The following AMBRA1 variants were observed in gnomAD, a reference collection of about 807,000 sequenced individuals.
AMBRA1 encodes activating molecule in BECN1-regulated autophagy protein 1.
A neutral mutation model predicts 125.4 loss-of-function variants in AMBRA1; 47 were observed. The ratio of observed to expected loss-of-function variants is 0.37; its 90% CI spans 0.30 to 0.48. AMBRA1 has a LOEUF of 0.48. Ranked by LOEUF, AMBRA1 falls within the 20% of genes least tolerant of loss-of-function variation. AMBRA1 has a pLI of 0.99. For missense variants in AMBRA1, 1,331 were observed against 1,693.4 expected (o/e 0.79, Z 3.76); for synonymous variants, 626 against 655.5 (o/e 0.95, Z 0.69).
intron 1 of AMBRA1, among the ~76,000 whole-genome samples, chr11:46,570,797 GTCA>G (rs1215807083): frequency 6.6e-6 from 1 of 151,982 alleles, no homozygotes; most frequent in Non-Finnish European, 1.5e-5. Flanking sequence ...GTAGGCACAA[GTCA>G]TTTTCTAAAT....
intron 15 of AMBRA1, among the ~76,000 whole-genome samples, chr11:46,410,879 G>C (rs903096551): frequency 6.6e-6 from 1 of 152,164 alleles, no homozygotes; most frequent in Admixed American, 6.5e-5. Flanking sequence ...GAGGCGGGCA[G>C]ATCACAAGGT....
In AMBRA1 at chr11:46,543,217, G is replaced by T; in HGVS notation, c.800C>A (p.Thr267Asn). ...GEQSTVQDSATPSPPPPPPQP... is the reference protein window; with the variant it reads ...GEQSTVQDSANPSPPPPPPQP... ...AGGGGGAGGCGGTGGGGGTGAGGGGGTAGCAGAATCTTGCACTGTGCTTTG... is the reference window on the plus strand; with the variant it reads ...AGGGGGAGGCGGTGGGGGTGAGGGGTTAGCAGAATCTTGCACTGTGCTTTG... Residue 267 changes from threonine (T) to asparagine (N), a missense_variant, in exon 7 of 18, where the codon ACC (threonine) becomes AAC (asparagine). Coordinates refer to ENST00000683756, the MANE Select transcript of AMBRA1 (RefSeq NM_001387011.1). 1.2e-6 allele frequency: 2 copies of T among 1,609,128 alleles called. No homozygotes were observed. The highest frequency in any genetic ancestry group is 1.1e-5 in the South Asian group (1 of 90,354).
At chr11:46,554,857 C>T (rs1216889374) in intron 1 of AMBRA1, among the ~76,000 whole-genome samples, 3 of 152,040 alleles carry the variant, frequency 2.0e-5, no homozygotes, top group Admixed American at 6.6e-5. Context: ...TTTGTGATAC[C>T]GTCACACAGT....
At chr11:46,461,922 T>C (rs1301547703) in intron 11 of AMBRA1, among the ~76,000 whole-genome samples, 2 of 152,150 alleles carry the variant, frequency 1.3e-5, no homozygotes, top group Non-Finnish European at 2.9e-5. Context: ...ATATAACGTC[T>C]TACCCTGAAA....
At chr11:46,587,973 T>G (rs1222277409) in intron 1 of AMBRA1, among the ~76,000 whole-genome samples, 1 of 151,814 alleles carries the variant, frequency 6.6e-6, no homozygotes, top group Non-Finnish European at 1.5e-5. Context: ...AGAAAAAAAT[T>G]TAGGTAGAGA....
intron 7 of AMBRA1, among the ~76,000 whole-genome samples, chr11:46,537,426 AC>A (rs1351130298): frequency 6.6e-6 from 1 of 152,186 alleles, no homozygotes; most frequent in Non-Finnish European, 1.5e-5. Context: ...AGACTAGACT[AC>A]AAAAGTTCTA....
chr11:46,437,537 A>G (rs1405543435), intron 12 of AMBRA1, among the ~76,000 whole-genome samples: 1 of 152,210 alleles, frequency 6.6e-6, no homozygotes, highest in East Asian at 1.9e-4. Flanking sequence ...TGGTAGCTCC[A>G]TTGCACTGGG....
At chr11:46,472,263 G>A (rs1949628002) in intron 11 of AMBRA1, among the ~76,000 whole-genome samples, 2 of 152,304 alleles carry the variant, frequency 1.3e-5, no homozygotes, top group South Asian at 2.1e-4. Flanking sequence ...TTATTAAACT[G>A]AGATGGATCC....
At chr11:46,506,207 A>G (rs1037490368) in intron 9 of AMBRA1, among the ~76,000 whole-genome samples, 9 of 152,146 alleles carry the variant, frequency 5.9e-5, no homozygotes, top group African/African-American at 2.2e-4. Flanking sequence ...CAGAAGGGAG[A>G]AGGAACAAGC....
At position 46,551,421 on chromosome 11, in the gene AMBRA1, T is replaced by C. The variant is rs368253837; in HGVS notation, c.-120-2921A>G. On this transcript the variant is annotated intron_variant, in intron 1 of 17. Coordinates refer to ENST00000683756, the MANE Select transcript of AMBRA1 (RefSeq NM_001387011.1). ...TCAAAGTGCTGGGCTCAAGCAATCC[T>C]CCTGCCTCAGCCTCCAGAGTAGCTA... Among the ~76,000 whole-genome samples, 10 of 152,236 alleles carry C rather than the reference T, an allele frequency of 6.6e-5. No homozygotes were observed. In the East Asian group the frequency reaches 1.9e-3, roughly 29 times the overall value.
intron 11 of AMBRA1, among the ~76,000 whole-genome samples, chr11:46,489,420 A>T (rs1950387346): frequency 6.6e-6 from 1 of 152,172 alleles, no homozygotes; most frequent in Admixed American, 6.5e-5. Context: ...CTGGGATTAC[A>T]GGCGTGAGCC....
At chr11:46,497,640 C>T (rs1177026126) in intron 9 of AMBRA1, among the ~76,000 whole-genome samples, 2 of 152,170 alleles carry the variant, frequency 1.3e-5, no homozygotes, top group African/African-American at 4.8e-5. Context: ...ATAACCAAAC[C>T]AGCTCAAACA....
chr11:46,497,381 A>G (rs990193673), intron 9 of AMBRA1, among the ~76,000 whole-genome samples: 1 of 152,162 alleles, frequency 6.6e-6, no homozygotes, highest in Non-Finnish European at 1.5e-5. Context: ...GCAACATGTT[A>G]AGTAAGGGGA....
chr11:46,541,451 A>G (rs1369030543), intron 7 of AMBRA1, among the ~76,000 whole-genome samples: 2 of 152,084 alleles, frequency 1.3e-5, no homozygotes, highest in Non-Finnish European at 2.9e-5. Context: ...TCCCTTTGTC[A>G]AACTGCAGTG....
At chr11:46,425,365 T>G (rs1947076915) in intron 14 of AMBRA1, among the ~76,000 whole-genome samples, 1 of 147,804 alleles carries the variant, frequency 6.8e-6, no homozygotes, top group Non-Finnish European at 1.5e-5. Flanking sequence ...AAGTAGTATT[T>G]CTCTGTTCAG....
chr11:46,412,171 C>T (rs1332458566), intron 15 of AMBRA1, among the ~76,000 whole-genome samples: 2 of 152,172 alleles, frequency 1.3e-5, no homozygotes, highest in Non-Finnish European at 2.9e-5. Flanking sequence ...TCCAAGACCC[C>T]CTGTGGATAC....
intron 7 of AMBRA1, among the ~76,000 whole-genome samples, chr11:46,522,078 A>C (rs1440396541): frequency 1.3e-5 from 2 of 152,208 alleles, no homozygotes; most frequent in African/African-American, 4.8e-5. Flanking sequence ...CAGACAGCAA[A>C]AGGGAAGAGG....
chr11:46,550,461 G>A (rs983842733), intron 1 of AMBRA1, among the ~76,000 whole-genome samples: 7 of 152,058 alleles, frequency 4.6e-5, no homozygotes, highest in African/African-American at 1.7e-4. Flanking sequence ...TTTACAATTA[G>A]CAATCTGTGG....
At chr11:46,555,483 A>C (rs1033619712) in intron 1 of AMBRA1, among the ~76,000 whole-genome samples, 1 of 152,206 alleles carries the variant, frequency 6.6e-6, no homozygotes, top group African/African-American at 2.4e-5. Context: ...CTGTGGAAAT[A>C]TGAATCTTGT....
Sources: gnomAD v4.1 joint callset for allele counts (sites outside exome capture counted in the v4.1 genomes callset) on GRCh38, gnomAD v4.1.1 for gene constraint, MANE v1.5 for transcripts, NCBI Gene and HGNC (gene_info 2026-07-23, HGNC 2026-07-21) for gene names.